The following VPS13B variants were observed in gnomAD, a reference collection of about 807,000 sequenced individuals.
VPS13B encodes vacuolar protein sorting 13 homolog B.
A neutral mutation model predicts 426.4 loss-of-function variants in VPS13B; 285 were observed. The observed-to-expected ratio is 0.67, with a 90% confidence interval of 0.61 to 0.74. The LOEUF is 0.74. Among genes scored for constraint, VPS13B ranks in the 30% least tolerant of loss-of-function variants. VPS13B has a pLI of 0.00. For missense variants in VPS13B, 4,537 were observed against 4,782.6 expected, an observed-to-expected ratio of 0.95 and a Z score of 1.51; for synonymous variants, 1,676 against 1,676.4, an observed-to-expected ratio of 1.00 and a Z score of 0.01.
intron 16 of VPS13B, among the ~76,000 whole-genome samples, chr8:99,171,506 C>G (rs1319592954): frequency 6.6e-6 from 1 of 151,632 alleles, no homozygotes; most frequent in Non-Finnish European, 1.5e-5. Flanking sequence ...ATGATTATAG[C>G]CTTTATATAA....
At chr8:99,250,289 G>A (rs887126220) in intron 17 of VPS13B, among the ~76,000 whole-genome samples, 1 of 152,016 alleles carries the variant, frequency 6.6e-6, no homozygotes, top group African/African-American at 2.4e-5. Flanking sequence ...CAGCTATATG[G>A]TTTACAACTA....
intron 17 of VPS13B, among the ~76,000 whole-genome samples, chr8:99,240,338 C>A (rs1816856405): frequency 6.6e-6 from 1 of 152,038 alleles, no homozygotes; most frequent in Non-Finnish European, 1.5e-5. Context: ...TTTATATATT[C>A]CCTAGCCATT....
At chr8:99,684,068 T>A (rs1280078805) in intron 35 of VPS13B, among the ~76,000 whole-genome samples, 1 of 152,234 alleles carries the variant, frequency 6.6e-6, no homozygotes, top group Non-Finnish European at 1.5e-5. Context: ...AAATGTTTTC[T>A]GCATCAATTG....
At chr8:99,741,633 C>T (rs957156073) in intron 39 of VPS13B, among the ~76,000 whole-genome samples, 8 of 152,184 alleles carry the variant, frequency 5.3e-5, no homozygotes, top group Non-Finnish European at 8.8e-5. Context: ...TCTCTCAGAC[C>T]ACAGTGCAAT....
At chr8:99,478,526 C>A (rs1015566881) in intron 24 of VPS13B, among the ~76,000 whole-genome samples, 1 of 137,510 alleles carries the variant, frequency 7.3e-6, no homozygotes, top group African/African-American at 2.8e-5. Context: ...CGGCTAACTG[C>A]AGCCTCCGCC....
chr8:99,276,515 A>T (rs1027435813), intron 19 of VPS13B, among the ~76,000 whole-genome samples: 1 of 152,160 alleles, frequency 6.6e-6, no homozygotes, highest in Non-Finnish European at 1.5e-5. Flanking sequence ...TTTATGGCCC[A>T]TACAGTCTCT....
At chr8:99,074,085 T>A (rs1844985848) in intron 3 of VPS13B, among the ~76,000 whole-genome samples, 1 of 152,168 alleles carries the variant, frequency 6.6e-6, no homozygotes, top group African/African-American at 2.4e-5. Context: ...TTTTGCCTGA[T>A]AGCTCTGGCT....
At chr8:99,740,645 CAGA>C (rs1210371115) in intron 39 of VPS13B, among the ~76,000 whole-genome samples, 1 of 152,130 alleles carries the variant, frequency 6.6e-6, no homozygotes, top group Non-Finnish European at 1.5e-5. Flanking sequence ...CTCTACATGC[CAGA>C]AGAGAGTGGG....
chr8:99,530,904 C>T (rs1216195359), intron 30 of VPS13B, among the ~76,000 whole-genome samples: 1 of 152,148 alleles, frequency 6.6e-6, no homozygotes, highest in Non-Finnish European at 1.5e-5. Context: ...CACTACATCT[C>T]GCTGCCTGTA....
intron 42 of VPS13B, among the ~76,000 whole-genome samples, chr8:99,780,371 G>T (rs1811958062): frequency 6.6e-6 from 1 of 152,158 alleles, no homozygotes; most frequent in African/African-American, 2.4e-5. Context: ...GGGGACTCAT[G>T]TGTAGCAACT....
At chr8:99,476,480 G>A (rs1046000477) in intron 24 of VPS13B, among the ~76,000 whole-genome samples, 4 of 150,754 alleles carry the variant, frequency 2.7e-5, no homozygotes, top group Non-Finnish European at 5.9e-5. Flanking sequence ...ACATGAAGAT[G>A]AATAAAACAA....
chr8:99,655,426 T>A (rs960276203), intron 34 of VPS13B, among the ~76,000 whole-genome samples: 1 of 152,192 alleles, frequency 6.6e-6, no homozygotes, highest in Non-Finnish European at 1.5e-5. Flanking sequence ...TATTCTCCCT[T>A]CTCTTCTTCG....
chr8:99,392,282 A>G (rs946477746), intron 21 of VPS13B, among the ~76,000 whole-genome samples: 1 of 152,152 alleles, frequency 6.6e-6, no homozygotes, highest in African/African-American at 2.4e-5. Flanking sequence ...AAGTATAACT[A>G]TCCTTCTATA....
Position 99,087,982 on chromosome 8 carries a change from G to A in VPS13B, c.292-8330G>A, listed in dbSNP as rs527359649. 2.6e-5 allele frequency among the ~76,000 whole-genome samples: 4 copies of A among 151,932 alleles called. No homozygotes were observed. In the South Asian group the frequency reaches 6.3e-4, roughly 24 times the overall value. On this transcript the variant is annotated intron_variant, in intron 3 of 61. Coordinates refer to ENST00000357162, the MANE Select transcript of VPS13B (RefSeq NM_152564.5). ...GTAGATCAGTTAAGGTCAGGAGTTC[G>A]AGACCAGCCTGGCCAATATGGTGAA... is the stretch of plus-strand genomic sequence containing the variant.
intron 17 of VPS13B, among the ~76,000 whole-genome samples, chr8:99,213,246 A>C (rs1258275407): frequency 6.6e-6 from 1 of 152,186 alleles, no homozygotes; most frequent in African/African-American, 2.4e-5. Context: ...TTGTTAATAC[A>C]CATCTTAAGA....
intron 19 of VPS13B, among the ~76,000 whole-genome samples, chr8:99,355,385 G>T (rs567430119): frequency 6.6e-6 from 1 of 152,296 alleles, no homozygotes; most frequent in African/African-American, 2.4e-5. Flanking sequence ...GAGGTCAAGA[G>T]ATCGAGACCA....
At chr8:99,699,083 G>C (rs1277197041) in intron 35 of VPS13B, among the ~76,000 whole-genome samples, 1 of 147,418 alleles carries the variant, frequency 6.8e-6, no homozygotes. Context: ...ATATTTATTA[G>C]TAATACCATT....
At chr8:99,493,815 A>AAAAG (rs1334441802) in intron 25 of VPS13B, among the ~76,000 whole-genome samples, 1 of 150,990 alleles carries the variant, frequency 6.6e-6, no homozygotes, top group Non-Finnish European at 1.5e-5. Context: ...AAGAAAAAGA[A>AAAAG]AAAGAAAGAA....
intron 19 of VPS13B, among the ~76,000 whole-genome samples, chr8:99,310,194 C>A (rs1820875747): frequency 6.6e-6 from 1 of 152,148 alleles, no homozygotes; most frequent in Non-Finnish European, 1.5e-5. Context: ...TGCCTGATTG[C>A]CCTGGCCAGA....
Sources: allele counts gnomAD v4.1 joint callset (sites outside exome capture counted in the v4.1 genomes callset), GRCh38; gene constraint gnomAD v4.1.1; transcripts MANE v1.5; gene names NCBI Gene and HGNC (gene_info 2026-07-23, HGNC 2026-07-21).